Variants in GRB14 observed in about 807,000 individuals in gnomAD.
The protein encoded by GRB14 is growth factor receptor bound protein 14, also known as growth factor receptor-bound protein 14.
Under a neutral mutation model 69.1 loss-of-function variants are expected in GRB14, and 38 were observed. That is an observed-to-expected ratio of 0.55 (90% CI 0.42 to 0.72). The LOEUF (loss-of-function observed/expected upper bound fraction) is 0.72, where lower values mean the gene tolerates loss of function less well. Ranked by LOEUF, GRB14 falls within the 30% of genes least tolerant of loss-of-function variation. The pLI, the probability that GRB14 is intolerant of heterozygous loss-of-function variation, is 0.00. For missense variants in GRB14, 666 were observed against 666.1 expected (o/e 1.00, Z 0.00); for synonymous variants, 247 against 241.3 (o/e 1.02, Z -0.22).
chr2:164,612,780 C>T (rs989174968), intron 2 of GRB14, among the ~76,000 whole-genome samples: 2 of 152,058 alleles, frequency 1.3e-5, no homozygotes, highest in Non-Finnish European at 2.9e-5. Flanking sequence ...CAGGGAAAAA[C>T]AAACCAGAAG....
intron 2 of GRB14, among the ~76,000 whole-genome samples, chr2:164,585,085 CTTTTTTTTTTTTTTTTT>C (rs146962375): frequency 0.012 from 627 of 54,218 alleles, 15 homozygotes; most frequent in African/African-American, 0.045. Context: ...CCATGCCTGG[CTTTTTTTTTTTTTTTTT>C]TTTTTTTTTT....
chr2:164,570,297 A>G (rs1429263153), intron 2 of GRB14, among the ~76,000 whole-genome samples: 1 of 151,344 alleles, frequency 6.6e-6, no homozygotes, highest in East Asian at 1.9e-4. Context: ...AAAAAAAAAA[A>G]AAAGTGTTAT....
At chr2:164,567,820 A>G (rs1406909895) in intron 2 of GRB14, among the ~76,000 whole-genome samples, 2 of 152,216 alleles carry the variant, frequency 1.3e-5, no homozygotes, top group Non-Finnish European at 2.9e-5. Flanking sequence ...CAGAAGCTCA[A>G]TAGAAATGGG....
At chr2:164,517,080 A>T (rs1449827678) in intron 6 of GRB14, among the ~76,000 whole-genome samples, 2 of 152,156 alleles carry the variant, frequency 1.3e-5, no homozygotes, top group Non-Finnish European at 2.9e-5. Flanking sequence ...GAGACTGGGC[A>T]ATTTACAAAA....
chr2:164,530,552 A>C (rs778516102), intron 3 of GRB14, among the ~76,000 whole-genome samples: 35 of 152,232 alleles, frequency 2.3e-4, no homozygotes, highest in Non-Finnish European at 4.4e-4. Flanking sequence ...CTTATCAAGA[A>C]GGCCTCATTG....
intron 8 of GRB14, among the ~76,000 whole-genome samples, chr2:164,503,026 A>G (rs931464681): frequency 3.3e-5 from 5 of 152,100 alleles, no homozygotes; most frequent in African/African-American, 1.2e-4. Context: ...CTGGCAGGAC[A>G]GAATTGGAAA....
intron 2 of GRB14, among the ~76,000 whole-genome samples, chr2:164,614,210 G>A (rs189715741): frequency 8.4e-4 from 128 of 152,268 alleles, no homozygotes; most frequent in African/African-American, 2.7e-3. Context: ...GCAAATTGCC[G>A]TTGGAAAGAT....
At chr2:164,574,009 G>T in intron 2 of GRB14, 7 of 1,492,754 alleles carry the variant, frequency 4.7e-6, no homozygotes, top group African/African-American at 1.4e-5. Flanking sequence ...ATATTGAGAA[G>T]AAAATTCTTA....
chr2:164,578,934 G>A (rs1054953498), intron 2 of GRB14, among the ~76,000 whole-genome samples: 4 of 152,044 alleles, frequency 2.6e-5, no homozygotes, highest in African/African-American at 9.7e-5. Context: ...GGTCACATAT[G>A]AATAAAATGT....
At chr2:164,559,983 T>C (rs1688779710) in intron 2 of GRB14, among the ~76,000 whole-genome samples, 1 of 152,180 alleles carries the variant, frequency 6.6e-6, no homozygotes. Flanking sequence ...TTTAGAATCA[T>C]AAAATACTAA....
intron 2 of GRB14, among the ~76,000 whole-genome samples, chr2:164,556,185 A>G (rs960313534): frequency 3.9e-5 from 6 of 152,164 alleles, no homozygotes; most frequent in Non-Finnish European, 7.4e-5. Context: ...AAAATTTTGC[A>G]TTTTAAAAAT....
chr2:164,545,248 T>C (rs1688345026), intron 3 of GRB14, among the ~76,000 whole-genome samples: 1 of 152,206 alleles, frequency 6.6e-6, no homozygotes, highest in African/African-American at 2.4e-5. Flanking sequence ...ATGAAGTTTG[T>C]GGCAGGCTGA....
chr2:164,497,131 T>C (rs1185085145), intron 11 of GRB14, 36 bp from the exon 12 acceptor site: 2 of 1,603,320 alleles, frequency 1.2e-6, no homozygotes, highest in Admixed American at 3.3e-5. Context: ...AAAGCTTTGT[T>C]TGAGATGACT....
intron 2 of GRB14, among the ~76,000 whole-genome samples, chr2:164,552,663 A>C (rs1156447288): frequency 2.0e-5 from 3 of 152,134 alleles, no homozygotes; most frequent in Non-Finnish European, 4.4e-5. Flanking sequence ...TTCTCTCTGA[A>C]TTTTCACTTC....
At chr2:164,524,147 A>G (rs1248063330) in intron 5 of GRB14, among the ~76,000 whole-genome samples, 2 of 152,064 alleles carry the variant, frequency 1.3e-5, no homozygotes, top group Non-Finnish European at 2.9e-5. Context: ...CCAACCTAAT[A>G]TTTTTAAGGT....
chr2:164,504,884 G>C (rs910298583), intron 8 of GRB14, among the ~76,000 whole-genome samples: 1 of 152,162 alleles, frequency 6.6e-6, no homozygotes, highest in Non-Finnish European at 1.5e-5. Context: ...GGAAGGGAGA[G>C]GCAGAAGAGG....
At chr2:164,544,133 G>T (rs1325421245) in intron 3 of GRB14, among the ~76,000 whole-genome samples, 1 of 152,142 alleles carries the variant, frequency 6.6e-6, no homozygotes. Flanking sequence ...TCATATCTTT[G>T]ATTTTATTTC....
intron 6 of GRB14, among the ~76,000 whole-genome samples, chr2:164,509,672 T>A (rs1174465638): frequency 2.6e-5 from 4 of 151,724 alleles, no homozygotes; most frequent in Non-Finnish European, 4.4e-5. Context: ...AGCATCAGTA[T>A]CACCTGGGAG....
At chr2:164,551,698 GC>G (rs1688543276) in intron 2 of GRB14, among the ~76,000 whole-genome samples, 1 of 152,044 alleles carries the variant, frequency 6.6e-6, no homozygotes, top group Admixed American at 6.6e-5. Flanking sequence ...CCTAAATTTG[GC>G]CCTGGTTCCA....
Sources: gnomAD v4.1 joint callset for allele counts (sites outside exome capture counted in the v4.1 genomes callset) on GRCh38, gnomAD v4.1.1 for gene constraint, MANE v1.5 for transcripts, NCBI Gene and HGNC (gene_info 2026-07-23, HGNC 2026-07-21) for gene names.